The following B3GALT1 variants were observed in gnomAD, a reference collection of about 807,000 sequenced individuals.
B3GALT1 encodes UDP-Gal:betaGlcNAc beta 1,3-galactosyltransferase, polypeptide 1.
A neutral mutation model predicts 23.2 loss-of-function variants in B3GALT1; 10 were observed. That is an observed-to-expected ratio of 0.43 (90% CI 0.27 to 0.73). B3GALT1 has a LOEUF of 0.73. Ranked by LOEUF, B3GALT1 falls within the 30% of genes least tolerant of loss-of-function variation. B3GALT1 has a pLI of 0.21. For missense variants in B3GALT1, 299 were observed against 405.4 expected (o/e 0.74, Z 2.25); for synonymous variants, 156 against 141.5 (o/e 1.10, Z -0.73).
chr2:167,667,703 A>G (rs1394465087), intron 3 of B3GALT1, among the ~76,000 whole-genome samples: 1 of 152,050 alleles, frequency 6.6e-6, no homozygotes, highest in African/African-American at 2.4e-5. Context: ...CATTCATTTC[A>G]TCTTCCATCG....
At chr2:167,315,769 G>A (rs1696707306) in intron 1 of B3GALT1, among the ~76,000 whole-genome samples, 1 of 152,156 alleles carries the variant, frequency 6.6e-6, no homozygotes, top group African/African-American at 2.4e-5. Context: ...AAGGCAACAA[G>A]TTTATGCTGG....
chr2:167,386,608 A>AGT (rs1296621281), intron 1 of B3GALT1, among the ~76,000 whole-genome samples: 1 of 152,148 alleles, frequency 6.6e-6, no homozygotes. Flanking sequence ...TATAAATGTA[A>AGT]GTGATAGTCT....
intron 1 of B3GALT1, among the ~76,000 whole-genome samples, chr2:167,335,378 AGTTT>A (rs996949034): frequency 3.9e-5 from 6 of 152,330 alleles, no homozygotes; most frequent in African/African-American, 1.4e-4. Context: ...GGCCATATTT[AGTTT>A]GTTTTAACGG....
intron 2 of B3GALT1, among the ~76,000 whole-genome samples, chr2:167,522,005 T>TACACATATATATATATATATATAC (rs1700196867): frequency 1.4e-5 from 2 of 144,972 alleles, no homozygotes; most frequent in Non-Finnish European, 1.5e-5. Flanking sequence ...TATATATATA[T>TACACATATATATATATATATATAC]ACACATATAT....
At chr2:167,475,428 A>AG (rs1459102517) in intron 1 of B3GALT1, among the ~76,000 whole-genome samples, 1 of 152,196 alleles carries the variant, frequency 6.6e-6, no homozygotes, top group Non-Finnish European at 1.5e-5. Context: ...GAAGCCATAA[A>AG]GTACTTCCTT....
At chr2:167,566,245 G>T (rs748743718) in intron 2 of B3GALT1, among the ~76,000 whole-genome samples, 2 of 151,758 alleles carry the variant, frequency 1.3e-5, no homozygotes, top group African/African-American at 2.4e-5. Context: ...ATAAACTATC[G>T]CAAGGAGAAA....
chr2:167,492,206 G>C (rs909136159), intron 2 of B3GALT1, among the ~76,000 whole-genome samples: 2 of 152,088 alleles, frequency 1.3e-5, no homozygotes, highest in African/African-American at 4.8e-5. Flanking sequence ...ACCTTTTCCA[G>C]AATGACATAT....
intron 1 of B3GALT1, among the ~76,000 whole-genome samples, chr2:167,352,019 G>T (rs1207884191): frequency 2.0e-5 from 3 of 149,438 alleles, no homozygotes; most frequent in Admixed American, 6.6e-5. Context: ...GAGTGTAGTG[G>T]CACGATCTTG....
intron 1 of B3GALT1, among the ~76,000 whole-genome samples, chr2:167,429,793 A>G (rs758160293): frequency 7.2e-5 from 11 of 152,370 alleles, no homozygotes; most frequent in East Asian, 1.9e-4. Context: ...GATGTGAGGC[A>G]TAAATAATTC....
intron 2 of B3GALT1, among the ~76,000 whole-genome samples, chr2:167,512,197 A>G (rs780364672): frequency 2.6e-5 from 4 of 152,050 alleles, no homozygotes; most frequent in Non-Finnish European, 4.4e-5. Flanking sequence ...GCTGAAAAAA[A>G]TTCAGTATTC....
intron 1 of B3GALT1, among the ~76,000 whole-genome samples, chr2:167,471,038 A>G (rs1256490129): frequency 6.6e-5 from 10 of 152,168 alleles, no homozygotes; most frequent in African/African-American, 2.2e-4. Context: ...ATTCATTATA[A>G]TATAGTTTCA....
At chr2:167,698,947 C>G (rs1406483409) in intron 3 of B3GALT1, among the ~76,000 whole-genome samples, 1 of 152,100 alleles carries the variant, frequency 6.6e-6, no homozygotes, top group Non-Finnish European at 1.5e-5. Context: ...TGTGGAATTT[C>G]CATCCCCAAA....
intron 1 of B3GALT1, among the ~76,000 whole-genome samples, chr2:167,420,868 A>G (rs1013781912): frequency 6.6e-6 from 1 of 152,228 alleles, no homozygotes; most frequent in African/African-American, 2.4e-5. Flanking sequence ...GGACATAGGC[A>G]TAGTTGTGGT....
At chr2:167,534,997 T>C (rs912194239) in intron 2 of B3GALT1, among the ~76,000 whole-genome samples, 3 of 152,190 alleles carry the variant, frequency 2.0e-5, no homozygotes, top group Non-Finnish European at 4.4e-5. Context: ...CACTAAGGTT[T>C]ACAAAGCTAG....
intron 3 of B3GALT1, among the ~76,000 whole-genome samples, chr2:167,699,055 A>G: frequency 6.6e-6 from 1 of 152,318 alleles, no homozygotes. Context: ...TTTTTAACAT[A>G]TTTTATTCAA....
At chr2:167,644,153 T>C (rs1368283189) in intron 2 of B3GALT1, among the ~76,000 whole-genome samples, 2 of 152,316 alleles carry the variant, frequency 1.3e-5, no homozygotes, top group Admixed American at 1.3e-4. Context: ...ATGATAGTTA[T>C]TAGTTTCCAT....
chr2:167,789,936 T>G (rs758400395), intron 3 of B3GALT1, among the ~76,000 whole-genome samples: 1 of 152,180 alleles, frequency 6.6e-6, no homozygotes, highest in Non-Finnish European at 1.5e-5. Context: ...CTTGTCCTTA[T>G]TCTTTTATTC....
In B3GALT1 at chr2:167,442,648, CA is replaced by C. The variant is rs1288785483; in HGVS notation, c.-510-47528del. Among the ~76,000 whole-genome samples the C allele has an allele frequency of 2.0e-5, 3 of 151,044 alleles. No individual in the cohort carries two copies. In the South Asian group the frequency reaches 6.3e-4, roughly 32 times the overall value. ...TGGCCAGTGATGGTGAGCATTTTTT[CA>C]TGTGTTTTTTGGCTGCATAAATGTC... On this transcript the variant is annotated intron_variant, in intron 1 of 4. Transcript: ENST00000392690.
At chr2:167,663,938 T>C (rs1445085102) in intron 3 of B3GALT1, among the ~76,000 whole-genome samples, 1 of 151,320 alleles carries the variant, frequency 6.6e-6, no homozygotes, top group Non-Finnish European at 1.5e-5. Flanking sequence ...GGTAGTTTCT[T>C]TTGCTGTGCA....
Sources: gnomAD v4.1 joint callset for allele counts (sites outside exome capture counted in the v4.1 genomes callset) on GRCh38, gnomAD v4.1.1 for gene constraint, MANE v1.5 for transcripts, NCBI Gene and HGNC (gene_info 2026-07-23, HGNC 2026-07-21) for gene names.